Variants in LAMA5 observed in about 807,000 individuals in gnomAD.
The protein encoded by LAMA5 is laminin subunit alpha-5.
A neutral mutation model predicts 433.4 loss-of-function variants in LAMA5; 260 were observed. That is an observed-to-expected ratio of 0.60 (90% confidence interval 0.54 to 0.66). The LOEUF is 0.66. Among genes scored for constraint, LAMA5 ranks in the 30% least tolerant of loss-of-function variants. The pLI is 0.00. For synonymous variants in LAMA5, 2,620 were observed against 2,226.6 expected (o/e 1.18, Z -4.97); for missense variants, 5,378 against 5,258.5 (o/e 1.02, Z -0.70).
Position 62,309,306 on chromosome 20 carries a change from G to A in LAMA5, c.*30C>T. ...GGGGCGGTGTGAGGCAGCTGCAGGG[G>A]CCTGACCAGGGGCCGGGGTTGGCTG... is the stretch of plus-strand genomic sequence containing the variant. On this transcript the variant is annotated 3_prime_UTR_variant, in exon 80 of 80. Coordinates refer to ENST00000252999, the MANE Select transcript of LAMA5 (RefSeq NM_005560.6). 3 of 1,587,904 alleles carry A rather than the reference G, an allele frequency of 1.9e-6. No homozygotes were observed. Among genetic ancestry groups the A allele is most frequent in the Non-Finnish European group, 2.6e-6 (3 of 1,175,118 alleles).
chr20:62,311,875 C>T lies in LAMA5; in HGVS notation c.9635+45G>A, dbSNP rs373553255. The T allele has an allele frequency of 8.5e-5, 118 of 1,382,894 alleles. No homozygotes were observed. The African/African-American group carries it at 9.4e-4, about 11-fold the overall frequency. 85.7% of individuals were successfully genotyped at this position (1,382,894 alleles called of 1,614,324 possible). A position where few individuals can be genotyped will look rare whatever the true frequency, so the allele number is the denominator to read the frequency against. ...AGAGGTCCAGGCAAGTGCAGGCGGG[C>T]GTCCCTCCAGACCTTCACGATGAGG... On this transcript the variant is annotated intron_variant, in intron 70 of 79. Transcript: ENST00000252999.
rs760644840 is a variant in LAMA5 at position 62,320,543 on chromosome 20, G to T, written c.6759+16C>A. The T allele has an allele frequency of 1.2e-4, 183 of 1,570,052 alleles. No homozygotes were observed. The highest frequency in any genetic ancestry group is 2.3e-5 in the South Asian group (2 of 87,588). Reference sequence around the variant, plus strand: ...TGAAAGCCTCCCGGGGCCCTGGGGGGTCTTGGGGCTCCTGCCTGGCCGCCT... The same window carrying T: ...TGAAAGCCTCCCGGGGCCCTGGGGGTTCTTGGGGCTCCTGCCTGGCCGCCT... On this transcript the variant is annotated intron_variant, in intron 50 of 79. Coordinates refer to ENST00000252999, the MANE Select transcript of LAMA5 (RefSeq NM_005560.6).
intron 57 of LAMA5, 125 bp from the exon 58 acceptor site, chr20:62,316,183 C>T: frequency 1.5e-6 from 1 of 680,574 alleles, no homozygotes; most frequent in South Asian, 1.7e-5. Flanking sequence ...GACAGGGACA[C>T]TCAGACATGG....
intron 62 of LAMA5, 81 bp downstream of exon 62, chr20:62,314,223 T>C (rs1212820409): frequency 6.6e-7 from 1 of 1,505,632 alleles, no homozygotes; most frequent in African/African-American, 1.4e-5. Flanking sequence ...GGGTGGTGGG[T>C]GCACACGGAG....
At chr20:62,343,186 C>T (rs1482968120) in intron 11 of LAMA5, among the ~76,000 whole-genome samples, 5 of 152,198 alleles carry the variant, frequency 3.3e-5, no homozygotes, top group Non-Finnish European at 5.9e-5. Flanking sequence ...AGGGACCACA[C>T]GGCCCTCAGT....
At position 62,349,270 on chromosome 20, in the gene LAMA5, C is replaced by CAAAAA. The variant is rs35537683; in HGVS notation, c.957-2247_957-2243dup. 1.7e-3 allele frequency among the ~76,000 whole-genome samples: 81 copies of CAAAAA among 46,594 alleles called. 2 individuals are homozygous for CAAAAA. Among genetic ancestry groups the CAAAAA allele is most frequent in the Non-Finnish European group, 2.0e-3 (61 of 29,782 alleles). 30.6% of individuals were successfully genotyped at this position (46,594 alleles called of 152,430 possible). ...TGGGCAACAGAGTGAGACTCCATCT[C>CAAAAA]AAAAAAAAAAAAAAAAAAAAAAAGC... On this transcript the variant is annotated intron_variant, in intron 6 of 79. Coordinates refer to ENST00000252999, the MANE Select transcript of LAMA5 (RefSeq NM_005560.6).
In LAMA5 at chr20:62,345,951, G is replaced by T. The variant is rs868839677; in HGVS notation, c.1418-74C>A. ...CACCCTACACCCCCTGCCACCCTTG[G>T]TCTCTCAGCACAATCGGAGATGCAG... On this transcript the variant is annotated intron_variant, in intron 10 of 79. Coordinates refer to ENST00000252999, the MANE Select transcript of LAMA5 (RefSeq NM_005560.6). 33 of 1,563,722 alleles carry T rather than the reference G, an allele frequency of 2.1e-5. No homozygotes were observed. The African/African-American group carries it at 2.7e-4, about 13-fold the overall frequency.
In LAMA5 at chr20:62,359,865, C is replaced by G. The variant is rs1252115575; in HGVS notation, c.450+2535G>C. On this transcript the variant is annotated intron_variant, in intron 2 of 79. Coordinates refer to ENST00000252999, the MANE Select transcript of LAMA5 (RefSeq NM_005560.6). The surrounding 1 kb of genome is among the most constrained non-coding windows in gnomAD (Gnocchi z 4.3). The stretch of plus-strand genomic sequence containing the variant: ...CACACCAGGGGTATGAGATCCGAAC[C>G]GTGATGCAGCCCACCCCGCCCTCCT... Among the ~76,000 whole-genome samples, 2 of 152,180 alleles carry G rather than the reference C, an allele frequency of 1.3e-5. No individual in the cohort carries two copies. The highest frequency in any genetic ancestry group is 1.3e-4 in the Admixed American group (2 of 15,294).
Position 62,359,428 on chromosome 20 carries a change from G to T in LAMA5, c.450+2972C>A, listed in dbSNP as rs981050872. Among the ~76,000 whole-genome samples the T allele has an allele frequency of 6.6e-6, 1 of 152,012 alleles. No homozygotes were observed. Among genetic ancestry groups the T allele is most frequent in the Non-Finnish European group, 1.5e-5 (1 of 67,996 alleles). On this transcript the variant is annotated intron_variant, in intron 2 of 79. Coordinates refer to ENST00000252999, the MANE Select transcript of LAMA5 (RefSeq NM_005560.6). The surrounding 1 kb of genome is among the most constrained non-coding windows in gnomAD (Gnocchi z 4.3). ...GGTGGGGGAGCTCAAGCCAGGACCC[G>T]CTGGCCATGTGCCTGGGCAGTCATG...
intron 2 of LAMA5, among the ~76,000 whole-genome samples, chr20:62,353,886 C>A (rs1317199361): frequency 6.6e-6 from 1 of 152,150 alleles, no homozygotes; most frequent in Non-Finnish European, 1.5e-5. Context: ...AGGGAGCAAG[C>A]GGGGCTCAGC....
rs370777806 is a variant in LAMA5 at position 62,318,472 on chromosome 20, C to T, written c.7221G>A (p.Glu2407=). 3.4e-5 allele frequency: 55 copies of T among 1,600,832 alleles called. No individual in the cohort carries two copies. Among genetic ancestry groups the T allele is most frequent in the Non-Finnish European group, 4.5e-5 (53 of 1,175,712 alleles). Residue 2407 remains glutamate (E), a synonymous_variant, in exon 53 of 80, where the codon GAG becomes GAA. Transcript: ENST00000252999. The part of the protein sequence containing the change: ...EAQELNSRNQ[E]RLEEALQRKQ... ...TCCTCACCAGGGCTTCCTCCAGGCGCTCCTGGTTGCGGCTGTTGAGCTCCT... is the reference window on the plus strand; with the variant it reads ...TCCTCACCAGGGCTTCCTCCAGGCGTTCCTGGTTGCGGCTGTTGAGCTCCT...
Position 62,338,471 on chromosome 20 carries a change from G to A in LAMA5, c.1615C>T (p.Gln539Ter). ...CAPGFYGPGCQPCQCSSPGVA... is the reference protein window; with the variant it reads ...CAPGFYGPGC ...TGAGCGGGGAGAGGGGACTCACGCT[G>A]GCAGCCGGGGCCGTAGAACCCTGGC... Residue 539 changes from glutamine (Q) to a stop codon, truncating the protein, a stop_gained, in exon 12 of 80, where the codon CAG becomes TAG. Transcript: ENST00000252999. LOFTEE classifies it high-confidence loss of function. The A allele has an allele frequency of 6.2e-7, 1 of 1,608,266 alleles. No individual in the cohort carries two copies. The highest frequency in any genetic ancestry group is 1.7e-5 in the Admixed American group (1 of 59,060).
rs372450590 is a variant in LAMA5, at chr20:62,330,898, T to C, written c.3697A>G (p.Ile1233Val). ...SRFPKPPQPI[I>V]LRDCQVIPLP... Reference sequence around the variant, plus strand: ...GGGATCACCTGGCAGTCCCTGAGGATGATGGGCTGGGGCGGCTTTGGGAAG... The same window carrying C: ...GGGATCACCTGGCAGTCCCTGAGGACGATGGGCTGGGGCGGCTTTGGGAAG... The change falls in exon 30 of 80, where the codon ATC becomes GTC. Residue 1233 changes from isoleucine to valine, a missense_variant. Ile to Val is a conservative substitution (Grantham distance 29, BLOSUM62 3). Transcript: ENST00000252999. The C allele has an allele frequency of 3.2e-6, 5 of 1,546,516 alleles. No individual in the cohort carries two copies. The highest frequency in any genetic ancestry group is 2.7e-5 in the African/African-American group (2 of 72,916).
chr20:62,326,030 G>A (rs1033651001), intron 40 of LAMA5, among the ~76,000 whole-genome samples: 1 of 152,080 alleles, frequency 6.6e-6, no homozygotes, highest in Non-Finnish European at 1.5e-5. Flanking sequence ...AGACCAGCCT[G>A]GCCAACACGG....
At position 62,309,304 on chromosome 20, in the gene LAMA5, G is replaced by C. The variant is rs1218169399; in HGVS notation, c.*32C>G. 2 of 1,586,314 alleles carry C rather than the reference G, an allele frequency of 1.3e-6. No individual in the cohort carries two copies. Among genetic ancestry groups the C allele is most frequent in the Non-Finnish European group, 1.7e-6 (2 of 1,174,104 alleles). On this transcript the variant is annotated 3_prime_UTR_variant, in exon 80 of 80. Coordinates refer to ENST00000252999, the MANE Select transcript of LAMA5 (RefSeq NM_005560.6). ...AAGGGGCGGTGTGAGGCAGCTGCAG[G>C]GGCCTGACCAGGGGCCGGGGTTGGC...
chr20:62,350,654 T>C (rs1361923707), intron 6 of LAMA5, among the ~76,000 whole-genome samples: 1 of 152,142 alleles, frequency 6.6e-6, no homozygotes, highest in East Asian at 1.9e-4. Context: ...AGCTCCCTGC[T>C]GGGGGTCCAG....
In LAMA5 at chr20:62,331,327, C is replaced by T. The variant is rs1460300319; in HGVS notation, c.3553-198G>A. Among the ~76,000 whole-genome samples the T allele has an allele frequency of 4.5e-5, 6 of 132,566 alleles. No individual in the cohort carries two copies. In the South Asian group the frequency reaches 9.9e-4, roughly 22 times the overall value. The allele number at this position is 132,566 out of a possible 152,430, so 87.0% of individuals were successfully genotyped here. A position where few individuals can be genotyped will look rare whatever the true frequency, so the allele number is the denominator to read the frequency against. On this transcript the variant is annotated intron_variant, in intron 28 of 79. Transcript: ENST00000252999. The stretch of plus-strand genomic sequence containing the variant: ...GGTACGATGGGGGGTGCAGGCGGTA[C>T]GATGGGGGGGCCGGTCACACAGCTC...
chr20:62,365,717 G>A (rs1036074290), intron 1 of LAMA5, among the ~76,000 whole-genome samples: 5 of 152,162 alleles, frequency 3.3e-5, no homozygotes, highest in Admixed American at 6.5e-5. Flanking sequence ...GCTAACCCCC[G>A]CTGGACCCTG....
chr20:62,325,264 A>C (rs1449693560), intron 41 of LAMA5, 52 bp downstream of exon 41: 2 of 1,178,574 alleles, frequency 1.7e-6, no homozygotes, highest in African/African-American at 1.5e-5. Flanking sequence ...TGCTGGAGGG[A>C]AGGGTGTGCA....
Sources: allele counts gnomAD v4.1 joint callset (sites outside exome capture counted in the v4.1 genomes callset), GRCh38; gene constraint gnomAD v4.1.1; non-coding constraint Gnocchi (gnomAD v3.1); transcripts MANE v1.5; gene names NCBI Gene and HGNC (gene_info 2026-07-23, HGNC 2026-07-21).